MINDY4: variants seen among roughly 807,000 people sequenced by gnomAD.
MINDY4 encodes the protein MINDY lysine 48 deubiquitinase 4.
A neutral mutation model predicts 87.0 loss-of-function variants in MINDY4; 68 were observed. The ratio of observed to expected loss-of-function variants is 0.78; its 90% confidence interval spans 0.64 to 0.96. MINDY4 has a LOEUF of 0.96. Among genes scored for constraint, MINDY4 ranks in the 40% least tolerant of loss-of-function variants. The pLI is 0.00. For missense variants in MINDY4, 919 were observed against 928.2 expected (o/e 0.99, Z 0.13); for synonymous variants, 379 against 363.2 (o/e 1.04, Z -0.50).
intron 14 of MINDY4, among the ~76,000 whole-genome samples, chr7:30,872,911 A>T (rs78807738): frequency 0.038 from 5,834 of 152,310 alleles, 138 homozygotes; most frequent in Middle Eastern, 0.095. Flanking sequence ...GCTTCTATCC[A>T]TGCCTTTCTC....
chr7:30,786,043 G>C (rs1249854636), intron 4 of MINDY4, 51 bp downstream of exon 4: 37 of 1,605,136 alleles, frequency 2.3e-5, no homozygotes, highest in Non-Finnish European at 2.9e-5. Context: ...TGAGAACTGG[G>C]CTGGGCTTAA....
rs367630119 is a variant in MINDY4, at chr7:30,866,159, GC to G, written c.1746-6082del. ...CCACCTGGTACAGCTGAGAAGGGGGGCCACACCCAGGCCACTGAAGAGCTGG... is the reference window on the plus strand; with the variant it reads ...CCACCTGGTACAGCTGAGAAGGGGGGCACACCCAGGCCACTGAAGAGCTGG... On this transcript the variant is annotated intron_variant, in intron 13 of 17. Coordinates refer to ENST00000265299, the MANE Select transcript of MINDY4 (RefSeq NM_032222.3). Among the ~76,000 whole-genome samples the G allele has an allele frequency of 4.2e-3, 646 of 152,330 alleles. 5 individuals carry two copies. The highest frequency in any genetic ancestry group is 0.015 in the African/African-American group (611 of 41,584).
intron 9 of MINDY4, among the ~76,000 whole-genome samples, chr7:30,848,015 T>C (rs1789279693): frequency 6.6e-6 from 1 of 152,236 alleles, no homozygotes; most frequent in Admixed American, 6.5e-5. Flanking sequence ...ATTACAGACA[T>C]GAACCACTGC....
intron 6 of MINDY4, among the ~76,000 whole-genome samples, chr7:30,830,933 G>A (rs1788683435): frequency 6.6e-6 from 1 of 152,218 alleles, no homozygotes; most frequent in African/African-American, 2.4e-5. Context: ...AGATGAGGCT[G>A]AAATGAAGAC....
At chr7:30,792,784 A>C (rs1453732168) in intron 5 of MINDY4, among the ~76,000 whole-genome samples, 1 of 152,044 alleles carries the variant, frequency 6.6e-6, no homozygotes, top group African/African-American at 2.4e-5. Flanking sequence ...TCATTTGTGT[A>C]ATATACTCAA....
At chr7:30,885,558 G>T (rs1310298951) in intron 17 of MINDY4, among the ~76,000 whole-genome samples, 25 of 152,028 alleles carry the variant, frequency 1.6e-4, no homozygotes, top group Admixed American at 1.6e-3. Context: ...AACACAAAGC[G>T]CCGTGCCCCA....
chr7:30,808,052 T>A (rs1418546359), intron 5 of MINDY4, among the ~76,000 whole-genome samples: 1 of 152,190 alleles, frequency 6.6e-6, no homozygotes, highest in East Asian at 1.9e-4. Context: ...GGCAGCCCCT[T>A]AGGCGGCTTA....
intron 4 of MINDY4, among the ~76,000 whole-genome samples, chr7:30,788,340 A>G (rs1228993187): frequency 6.6e-6 from 1 of 152,222 alleles, no homozygotes; most frequent in African/African-American, 2.4e-5. Flanking sequence ...GTTTCGCTTG[A>G]TATGTCTTGC....
At chr7:30,845,423 A>ATGTTCCTTCAAAAGC (rs1789178871) in intron 9 of MINDY4, among the ~76,000 whole-genome samples, 1 of 150,022 alleles carries the variant, frequency 6.7e-6, no homozygotes, top group Non-Finnish European at 1.5e-5. Context: ...TGTGTTATTG[A>ATGTTCCTTCAAAAGC]TGTTCCTTCA....
intron 13 of MINDY4, among the ~76,000 whole-genome samples, chr7:30,864,350 A>G (rs943005247): frequency 1.3e-5 from 2 of 152,256 alleles, no homozygotes; most frequent in Non-Finnish European, 2.9e-5. Flanking sequence ...ACAAAAGCCA[A>G]CTGTGAGTGT....
chr7:30,877,513 G>C (rs148416090), intron 15 of MINDY4, among the ~76,000 whole-genome samples: 1 of 152,176 alleles, frequency 6.6e-6, no homozygotes, highest in Non-Finnish European at 1.5e-5. Context: ...GTAGGTGGAT[G>C]CTTCCTTCCT....
intron 17 of MINDY4, among the ~76,000 whole-genome samples, chr7:30,889,669 A>G (rs1274906272): frequency 1.3e-5 from 2 of 152,214 alleles, no homozygotes; most frequent in Non-Finnish European, 2.9e-5. Flanking sequence ...TGACACACAG[A>G]AGCCCAGTAA....
chr7:30,858,447 G>A (rs930935263), intron 12 of MINDY4: 4 of 152,194 alleles, frequency 2.6e-5, no homozygotes, highest in Non-Finnish European at 5.9e-5. Flanking sequence ...ACATAGCAAG[G>A]AGTGGCAGAG....
At chr7:30,780,816 C>G (rs1247568231) in intron 2 of MINDY4, 1 of 152,206 alleles carries the variant, frequency 6.6e-6, no homozygotes, top group Non-Finnish European at 1.5e-5. Context: ...GCTTAAGTCT[C>G]TCTTACTGAG....
At chr7:30,846,685 G>A (rs1022729028) in intron 9 of MINDY4, among the ~76,000 whole-genome samples, 18 of 151,854 alleles carry the variant, frequency 1.2e-4, no homozygotes, top group Non-Finnish European at 1.0e-4. Context: ...CTAATCTGGG[G>A]TGGGTTAAAT....
chr7:30,854,636 G>A (rs757749330), intron 12 of MINDY4, among the ~76,000 whole-genome samples: 1 of 152,196 alleles, frequency 6.6e-6, no homozygotes, highest in Non-Finnish European at 1.5e-5. Flanking sequence ...GGCACTGGAG[G>A]GTTTGGTGGT....
At chr7:30,820,156 C>T (rs1211734452) in intron 5 of MINDY4, among the ~76,000 whole-genome samples, 1 of 151,952 alleles carries the variant, frequency 6.6e-6, no homozygotes, top group African/African-American at 2.4e-5. Context: ...CCGCCTCGGC[C>T]TCCCAAAGTG....
At chr7:30,811,976 G>A (rs534040016) in intron 5 of MINDY4, among the ~76,000 whole-genome samples, 1 of 152,228 alleles carries the variant, frequency 6.6e-6, no homozygotes, top group African/African-American at 2.4e-5. Flanking sequence ...GGCTTGTCCT[G>A]CTACAGTCCA....
At chr7:30,797,369 A>G (rs1787520782) in intron 5 of MINDY4, among the ~76,000 whole-genome samples, 1 of 152,250 alleles carries the variant, frequency 6.6e-6, no homozygotes, top group Non-Finnish European at 1.5e-5. Flanking sequence ...TGGAAGAGTG[A>G]CAGGGAGCCC....
Sources: allele counts gnomAD v4.1 joint callset (sites outside exome capture counted in the v4.1 genomes callset), GRCh38; gene constraint gnomAD v4.1.1; transcripts MANE v1.5; gene names NCBI Gene and HGNC (gene_info 2026-07-23, HGNC 2026-07-21).